The following MAPK10 variants were observed in gnomAD, a reference collection of about 807,000 sequenced individuals.
The protein encoded by MAPK10 is mitogen-activated protein kinase 10.
MAPK10 carries 25 observed loss-of-function variants against 59.3 expected under a neutral mutation model. The observed-to-expected ratio is 0.42, with a 90% CI of 0.31 to 0.59. The LOEUF is 0.59. Among genes scored for constraint, MAPK10 ranks in the 20% least tolerant of loss-of-function variants. The probability of loss-of-function intolerance (pLI) is 0.15; values close to 1 mark genes in which losing one functional copy is unlikely to be tolerated. For missense variants in MAPK10, 351 were observed against 568.9 expected, an observed-to-expected ratio of 0.62 and a Z score of 3.90; for synonymous variants, 190 against 200.5, an observed-to-expected ratio of 0.95 and a Z score of 0.44.
chr4:86,274,209 G>A (rs1413381945), intron 2 of MAPK10, among the ~76,000 whole-genome samples: 1 of 151,930 alleles, frequency 6.6e-6, no homozygotes, highest in Non-Finnish European at 1.5e-5. Context: ...AGATATTAAT[G>A]TCATATGAAA....
intron 4 of MAPK10, among the ~76,000 whole-genome samples, chr4:86,151,663 C>T (rs2066505887): frequency 6.6e-6 from 1 of 152,016 alleles, no homozygotes; most frequent in African/African-American, 2.4e-5. Context: ...AGGAGTGTGA[C>T]AGGTTCAGAG....
intron 2 of MAPK10, among the ~76,000 whole-genome samples, chr4:86,283,088 A>G (rs185601443): frequency 1.3e-4 from 20 of 152,290 alleles, no homozygotes; most frequent in African/African-American, 4.8e-4. Context: ...CTACATTTTT[A>G]TAAAAAGGAT....
intron 9 of MAPK10, among the ~76,000 whole-genome samples, chr4:86,070,303 CATGAACAACT>C (rs2047583975): frequency 6.6e-6 from 1 of 151,212 alleles, no homozygotes; most frequent in Non-Finnish European, 1.5e-5. Flanking sequence ...AGAATACAAA[CATGAACAACT>C]ATGTCCAATT....
intron 1 of MAPK10, among the ~76,000 whole-genome samples, chr4:86,461,929 T>C (rs1207298219): frequency 6.6e-6 from 1 of 152,172 alleles, no homozygotes; most frequent in African/African-American, 2.4e-5. Context: ...CCTGTTAGCA[T>C]ACACCCCCCA....
At chr4:86,188,718 C>A (rs1043912134) in intron 3 of MAPK10, among the ~76,000 whole-genome samples, 6 of 152,132 alleles carry the variant, frequency 3.9e-5, no homozygotes, top group African/African-American at 1.4e-4. Flanking sequence ...GTAATAATTT[C>A]TTTTGCTGTG....
At chr4:86,454,742 T>G (rs907729432), upstream of MAPK10, among the ~76,000 whole-genome samples, 1 of 152,156 alleles carries the variant, frequency 6.6e-6, no homozygotes, top group Non-Finnish European at 1.5e-5. Flanking sequence ...CTGGCCTTGC[T>G]AGAGAACTAG....
intron 1 of MAPK10, among the ~76,000 whole-genome samples, chr4:86,587,136 A>T (rs1762702932): frequency 6.6e-6 from 1 of 152,242 alleles, no homozygotes; most frequent in Admixed American, 6.5e-5. Context: ...TGTGTGGAAC[A>T]TATTCGCTAT....
At chr4:86,357,977 G>T in intron 1 of MAPK10, 5 of 560,012 alleles carry the variant, frequency 8.9e-6, no homozygotes, top group Non-Finnish European at 1.1e-5. Flanking sequence ...TAGTCCCATT[G>T]TAGGGGAGAG....
intron 1 of MAPK10, among the ~76,000 whole-genome samples, chr4:86,473,165 A>C (rs1752792415): frequency 6.6e-6 from 1 of 152,208 alleles, no homozygotes; most frequent in African/African-American, 2.4e-5. Flanking sequence ...CTTTAGTTCT[A>C]TTTAGGACCT....
intron 11 of MAPK10, 92 bp downstream of exon 11, chr4:86,064,174 T>A: frequency 1.4e-6 from 2 of 1,451,302 alleles, no homozygotes; most frequent in South Asian, 2.6e-5. Flanking sequence ...TAAAAATCCA[T>A]TGTGCATTCT....
At chr4:86,502,788 A>T (rs1231090158) in intron 1 of MAPK10, among the ~76,000 whole-genome samples, 1 of 152,038 alleles carries the variant, frequency 6.6e-6, no homozygotes, top group Non-Finnish European at 1.5e-5. Flanking sequence ...GTCAACGTTT[A>T]TCTCTCTTCT....
intron 2 of MAPK10, among the ~76,000 whole-genome samples, chr4:86,214,599 A>G (rs967150560): frequency 2.4e-4 from 36 of 151,996 alleles, no homozygotes; most frequent in African/African-American, 8.2e-4. Context: ...GCAAAAATCA[A>G]TTGCATTTCT....
At chr4:86,051,174 G>T (rs1481957504) in intron 11 of MAPK10, among the ~76,000 whole-genome samples, 1 of 152,038 alleles carries the variant, frequency 6.6e-6, no homozygotes, top group Admixed American at 6.6e-5. Context: ...TATGGAAGTG[G>T]CTTTTATCAT....
intron 1 of MAPK10, among the ~76,000 whole-genome samples, chr4:86,565,276 T>C (rs1760980651): frequency 6.6e-6 from 1 of 152,234 alleles, no homozygotes; most frequent in Admixed American, 6.5e-5. Context: ...ATTTCCTACT[T>C]TGCTCAAAAG....
chr4:86,081,018 C>T (rs1377537289), intron 9 of MAPK10: 1 of 151,832 alleles, frequency 6.6e-6, no homozygotes, highest in Non-Finnish European at 1.5e-5. Context: ...AATATAAGTG[C>T]AGAGCATACA....
chr4:86,154,852 A>C (rs2067308350), intron 4 of MAPK10, among the ~76,000 whole-genome samples: 1 of 152,138 alleles, frequency 6.6e-6, no homozygotes, highest in Non-Finnish European at 1.5e-5. Flanking sequence ...TATAATATTT[A>C]AATATGCAAA....
intron 9 of MAPK10, among the ~76,000 whole-genome samples, chr4:86,075,986 C>T (rs983819586): frequency 2.0e-5 from 3 of 151,648 alleles, no homozygotes; most frequent in African/African-American, 7.2e-5. Flanking sequence ...GGCGCCCCTC[C>T]CCCAGCCCTC....
intron 1 of MAPK10, among the ~76,000 whole-genome samples, chr4:86,380,539 ATCAGTTT>A (rs1044463540): frequency 2.6e-4 from 39 of 152,314 alleles, no homozygotes; most frequent in Admixed American, 4.6e-4. Context: ...CCTTCTGGTT[ATCAGTTT>A]TCCAATCACC....
chr4:86,370,230 T>C (rs1375726076), intron 1 of MAPK10, among the ~76,000 whole-genome samples: 1 of 152,136 alleles, frequency 6.6e-6, no homozygotes, highest in Non-Finnish European at 1.5e-5. Flanking sequence ...AATAATAAAC[T>C]TGAAGAAATT....
Sources: allele counts gnomAD v4.1 joint callset (sites outside exome capture counted in the v4.1 genomes callset), GRCh38; gene constraint gnomAD v4.1.1; transcripts MANE v1.5; gene names NCBI Gene and HGNC (gene_info 2026-07-23, HGNC 2026-07-21).